Variants in ZNF521 observed in about 807,000 individuals in gnomAD.
ZNF521 encodes the protein LYST-interacting protein 3.
In ZNF521, 14 loss-of-function variants were observed where a neutral mutation model predicts 105.5. That is an observed-to-expected ratio of 0.13 (90% confidence interval 0.09 to 0.21). The LOEUF (loss-of-function observed/expected upper bound fraction) is 0.21, where lower values mean the gene tolerates loss of function less well. Ranked by LOEUF, ZNF521 falls within the 10% of genes least tolerant of loss-of-function variation. The pLI is 1.00. For missense variants in ZNF521, 1,233 were observed against 1,629.7 expected (o/e 0.76, Z 4.19); for synonymous variants, 635 against 606.0 (o/e 1.05, Z -0.70).
intron 3 of ZNF521, among the ~76,000 whole-genome samples, chr18:25,282,029 C>T (rs941561411): frequency 6.6e-6 from 1 of 152,108 alleles, no homozygotes; most frequent in Admixed American, 6.5e-5. Context: ...ACTCTTTGCA[C>T]CCTTCCTGAG....
At chr18:25,143,162 C>CT (rs199923169) in intron 5 of ZNF521, among the ~76,000 whole-genome samples, 1,952 of 152,030 alleles carry the variant, frequency 0.013, 42 homozygotes, top group African/African-American at 0.043. Context: ...CATTTATACT[C>CT]TTTTTTTTAG....
At chr18:25,140,237 T>C (rs369263586) in intron 5 of ZNF521, among the ~76,000 whole-genome samples, 1 of 152,176 alleles carries the variant, frequency 6.6e-6, no homozygotes. Context: ...TTCCCTTTCT[T>C]ATTCCACTCA....
chr18:25,184,003 C>A (rs1270417297), intron 5 of ZNF521, among the ~76,000 whole-genome samples: 1 of 151,868 alleles, frequency 6.6e-6, no homozygotes, highest in Non-Finnish European at 1.5e-5. Context: ...TTTTGGTTCA[C>A]CAAAAATACA....
chr18:25,065,888 C>T (rs553076491), intron 7 of ZNF521, among the ~76,000 whole-genome samples: 44 of 152,284 alleles, frequency 2.9e-4, no homozygotes, highest in Admixed American at 1.9e-3. Context: ...GGTGCAAGGA[C>T]ATGAACAAAT....
intron 5 of ZNF521, among the ~76,000 whole-genome samples, chr18:25,117,054 T>C (rs56345920): frequency 0.016 from 1,057 of 64,680 alleles, 10 homozygotes; most frequent in Non-Finnish European, 0.02. Context: ...CACATATATA[T>C]ACACACACAC....
chr18:25,104,548 T>A (rs1456852540), intron 5 of ZNF521, among the ~76,000 whole-genome samples: 3 of 152,248 alleles, frequency 2.0e-5, no homozygotes, highest in Non-Finnish European at 4.4e-5. Context: ...AAGTGACCTA[T>A]AGGGATGACC....
intron 3 of ZNF521, among the ~76,000 whole-genome samples, chr18:25,245,397 A>G (rs1231877618): frequency 1.3e-5 from 2 of 152,178 alleles, no homozygotes; most frequent in Non-Finnish European, 2.9e-5. Context: ...TACATTTGCT[A>G]CAACTGATGA....
chr18:25,312,390 T>C (rs967365464), intron 3 of ZNF521, among the ~76,000 whole-genome samples: 6 of 152,148 alleles, frequency 3.9e-5, no homozygotes, highest in Non-Finnish European at 7.3e-5. Context: ...GCAGACCAGG[T>C]ACTAATATTC....
intron 3 of ZNF521, among the ~76,000 whole-genome samples, chr18:25,286,663 T>C (rs1910723715): frequency 1.3e-5 from 2 of 152,232 alleles, no homozygotes; most frequent in Non-Finnish European, 2.9e-5. Flanking sequence ...TATTTTTTCA[T>C]TTCTTGAAAT....
At chr18:25,284,724 G>C (rs1600256661) in intron 3 of ZNF521, among the ~76,000 whole-genome samples, 1 of 152,026 alleles carries the variant, frequency 6.6e-6, no homozygotes, top group South Asian at 2.1e-4. Context: ...AAGAGAAAGA[G>C]ATGAAGAAAT....
intron 2 of ZNF521, among the ~76,000 whole-genome samples, chr18:25,328,600 C>A (rs1255059252): frequency 1.3e-5 from 2 of 151,136 alleles, no homozygotes; most frequent in African/African-American, 4.9e-5. Context: ...TGGCTCAGGC[C>A]GGAGTGCAGT....
At chr18:25,306,090 C>T (rs1045143242) in intron 3 of ZNF521, among the ~76,000 whole-genome samples, 6 of 152,222 alleles carry the variant, frequency 3.9e-5, no homozygotes, top group African/African-American at 1.4e-4. Flanking sequence ...ACCCCTCTAT[C>T]CATTACACTG....
At chr18:25,338,919 G>A (rs1048221024) in intron 2 of ZNF521, among the ~76,000 whole-genome samples, 2 of 152,180 alleles carry the variant, frequency 1.3e-5, no homozygotes, top group Non-Finnish European at 2.9e-5. Flanking sequence ...ATTCCAGAAT[G>A]AGTGAGTTGA....
chr18:25,338,767 T>C (rs183708768), intron 2 of ZNF521, among the ~76,000 whole-genome samples: 10 of 152,306 alleles, frequency 6.6e-5, no homozygotes, highest in Admixed American at 5.2e-4. Context: ...TATCACAGTT[T>C]AGTATTTACT....
chr18:25,341,089 G>A (rs1212799665), intron 2 of ZNF521, among the ~76,000 whole-genome samples: 2 of 152,006 alleles, frequency 1.3e-5, no homozygotes, highest in East Asian at 1.9e-4. Context: ...TCACATCTTT[G>A]AACACGAAGA....
Position 25,227,724 on chromosome 18 carries a change from C to T in ZNF521, c.221-27G>A. 6.3e-7 allele frequency: 1 copy of T among 1,582,462 alleles called. No homozygotes were observed. Among genetic ancestry groups the T allele is most frequent in the Non-Finnish European group, 8.6e-7 (1 of 1,160,430 alleles). On this transcript the variant is annotated intron_variant, in intron 3 of 7. Transcript: ENST00000361524. The surrounding 1 kb of genome is among the most constrained non-coding windows in gnomAD (Gnocchi z 5.7). ...TGCAACAAGAAGCAATGACAAATTT[C>T]ATCTGACATGTTGAGATTCAAGAGT...
At chr18:25,260,926 T>C (rs912256579) in intron 3 of ZNF521, among the ~76,000 whole-genome samples, 3 of 152,184 alleles carry the variant, frequency 2.0e-5, no homozygotes, top group African/African-American at 7.2e-5. Flanking sequence ...ATAGATATCT[T>C]TCTTAAAATT....
At chr18:25,277,004 GA>G (rs771673700) in intron 3 of ZNF521, among the ~76,000 whole-genome samples, 2 of 152,110 alleles carry the variant, frequency 1.3e-5, no homozygotes, top group Non-Finnish European at 2.9e-5. Flanking sequence ...CCAACATGAT[GA>G]AACCTCACCT....
chr18:25,193,097 T>C (rs2035846562), intron 5 of ZNF521, among the ~76,000 whole-genome samples: 1 of 152,126 alleles, frequency 6.6e-6, no homozygotes. Flanking sequence ...GTAAGTGTCT[T>C]ATTAATCCAC....
Sources: gnomAD v4.1 joint callset for allele counts (sites outside exome capture counted in the v4.1 genomes callset) on GRCh38, gnomAD v4.1.1 for gene constraint, Gnocchi (gnomAD v3.1) non-coding constraint, MANE v1.5 for transcripts, NCBI Gene and HGNC (gene_info 2026-07-23, HGNC 2026-07-21) for gene names.